The following ANGPT1 variants were observed in gnomAD, a reference collection of about 807,000 sequenced individuals.
ANGPT1 encodes the protein angiopoietin 1, also known as angiopoietin-1.
In ANGPT1, 17 loss-of-function variants were observed where a neutral mutation model predicts 62.2. The ratio of observed to expected loss-of-function variants is 0.27; its 90% CI spans 0.19 to 0.41. The LOEUF is 0.41. ANGPT1 is among the 10% of genes least tolerant of loss of function. The pLI is 1.00. For synonymous variants in ANGPT1, 199 were observed against 198.9 expected (o/e 1.00, Z 0.00); for missense variants, 478 against 594.9 (o/e 0.80, Z 2.04).
At chr8:107,419,266 C>A (rs1213522277) in intron 1 of ANGPT1, among the ~76,000 whole-genome samples, 1 of 152,100 alleles carries the variant, frequency 6.6e-6, no homozygotes, top group South Asian at 2.1e-4. Flanking sequence ...GCCCTTCTCC[C>A]CTGAAGCAGG....
intron 2 of ANGPT1, among the ~76,000 whole-genome samples, chr8:107,337,121 A>G (rs1388589591): frequency 6.6e-6 from 1 of 152,194 alleles, no homozygotes; most frequent in African/African-American, 2.4e-5. Flanking sequence ...TCACTTTACA[A>G]ATGAGAAAAC....
intron 1 of ANGPT1, among the ~76,000 whole-genome samples, chr8:107,429,468 CAAT>C (rs763467251): frequency 5.3e-5 from 8 of 152,252 alleles, no homozygotes; most frequent in Non-Finnish European, 1.0e-4. Context: ...TGTCACTAAT[CAAT>C]AATGACACTG....
At chr8:107,263,384 T>C (rs888978911) in intron 8 of ANGPT1, among the ~76,000 whole-genome samples, 8 of 139,660 alleles carry the variant, frequency 5.7e-5, no homozygotes, top group Non-Finnish European at 6.2e-5. Flanking sequence ...AAAAAGGAAG[T>C]AGATAAAAAA....
Position 107,497,864 on chromosome 8 carries a change from G to C in ANGPT1, c.-306C>G. 2.0e-6 allele frequency: 1 copy of C among 510,862 alleles called. No individual in the cohort carries two copies. Among genetic ancestry groups the C allele is most frequent in the Non-Finnish European group, 3.4e-6 (1 of 292,918 alleles). 31.6% of individuals were successfully genotyped at this position (510,862 alleles called of 1,614,324 possible). A position where few individuals can be genotyped will look rare whatever the true frequency, so the allele number is the denominator to read the frequency against. ...TTCAGCATGGAGCCTGCCTGAGTCAGCTGCGTGTACATATTCTAGACCCTT... is the reference window on the plus strand; with the variant it reads ...TTCAGCATGGAGCCTGCCTGAGTCACCTGCGTGTACATATTCTAGACCCTT... On this transcript the variant is annotated 5_prime_UTR_variant, in exon 1 of 9. Coordinates refer to ENST00000517746, the MANE Select transcript of ANGPT1 (RefSeq NM_001146.5).
intron 1 of ANGPT1, among the ~76,000 whole-genome samples, chr8:107,439,621 C>G (rs998212136): frequency 6.6e-6 from 1 of 152,158 alleles, no homozygotes; most frequent in Non-Finnish European, 1.5e-5. Context: ...TGAGACAGAA[C>G]TTACATAAGT....
At chr8:107,397,455 G>A (rs909524870) in intron 1 of ANGPT1, among the ~76,000 whole-genome samples, 3 of 151,950 alleles carry the variant, frequency 2.0e-5, no homozygotes, top group Admixed American at 6.6e-5. Context: ...GTGTGTGTGT[G>A]TGTGTGTTTA....
chr8:107,487,528 G>T (rs563132772), intron 1 of ANGPT1, among the ~76,000 whole-genome samples: 55 of 150,624 alleles, frequency 3.7e-4, no homozygotes, highest in South Asian at 2.3e-3. Context: ...ATATTAAGCG[G>T]CCGTGCGTCA....
At chr8:107,379,616 T>C (rs768882769) in intron 1 of ANGPT1, among the ~76,000 whole-genome samples, 3 of 152,158 alleles carry the variant, frequency 2.0e-5, no homozygotes, top group Non-Finnish European at 4.4e-5. Flanking sequence ...ACTAAACCTG[T>C]ACCCATTCTA....
At chr8:107,356,722 C>T (rs1816054511) in intron 1 of ANGPT1, among the ~76,000 whole-genome samples, 1 of 152,190 alleles carries the variant, frequency 6.6e-6, no homozygotes, top group Non-Finnish European at 1.5e-5. Context: ...GGCAAGATGA[C>T]TCTCCTGCTT....
At chr8:107,331,373 A>G (rs957872389) in intron 3 of ANGPT1, among the ~76,000 whole-genome samples, 1 of 152,208 alleles carries the variant, frequency 6.6e-6, no homozygotes, top group African/African-American at 2.4e-5. Context: ...CTAATATTAG[A>G]AGGACTAAAT....
At chr8:107,293,731 C>G (rs980262369) in intron 6 of ANGPT1, among the ~76,000 whole-genome samples, 1 of 152,098 alleles carries the variant, frequency 6.6e-6, no homozygotes, top group African/African-American at 2.4e-5. Flanking sequence ...TTCAGTAATA[C>G]GTTTTTCTTT....
intron 4 of ANGPT1, among the ~76,000 whole-genome samples, chr8:107,312,637 T>G (rs1440875593): frequency 6.6e-6 from 1 of 152,218 alleles, no homozygotes; most frequent in African/African-American, 2.4e-5. Flanking sequence ...CAGCCCTGGC[T>G]CTACATGGGC....
At chr8:107,341,985 T>TCCCTGC (rs1410899169) in intron 2 of ANGPT1, among the ~76,000 whole-genome samples, 9 of 152,072 alleles carry the variant, frequency 5.9e-5, no homozygotes, top group Admixed American at 5.9e-4. Flanking sequence ...CAACTCTCTC[T>TCCCTGC]CCCTGCCCCT....
At chr8:107,469,256 T>A (rs2130493675) in intron 1 of ANGPT1, among the ~76,000 whole-genome samples, 1 of 152,138 alleles carries the variant, frequency 6.6e-6, no homozygotes, top group African/African-American at 2.4e-5. Flanking sequence ...AATCCAATCT[T>A]TTATTTTGTA....
At chr8:107,428,821 A>T (rs1811104894) in intron 1 of ANGPT1, among the ~76,000 whole-genome samples, 1 of 152,148 alleles carries the variant, frequency 6.6e-6, no homozygotes, top group African/African-American at 2.4e-5. Context: ...AATTGGCAAA[A>T]TTCCCAATCC....
At chr8:107,446,212 C>T (rs1257545997) in intron 1 of ANGPT1, among the ~76,000 whole-genome samples, 10 of 152,260 alleles carry the variant, frequency 6.6e-5, no homozygotes, top group Admixed American at 1.3e-4. Flanking sequence ...CCACCACGCC[C>T]GGCCAATAGT....
At chr8:107,297,311 C>T (rs1358943208) in intron 5 of ANGPT1, among the ~76,000 whole-genome samples, 1 of 151,904 alleles carries the variant, frequency 6.6e-6, no homozygotes, top group Non-Finnish European at 1.5e-5. Context: ...GTTAATAGCG[C>T]CAACTTGAGT....
At chr8:107,259,762 C>T (rs1813451374) in intron 8 of ANGPT1, among the ~76,000 whole-genome samples, 1 of 151,934 alleles carries the variant, frequency 6.6e-6, no homozygotes, top group Admixed American at 6.6e-5. Context: ...TTAACTGTAG[C>T]TTAAGCAAAC....
At chr8:107,379,091 T>G (rs1816586632) in intron 1 of ANGPT1, among the ~76,000 whole-genome samples, 1 of 152,136 alleles carries the variant, frequency 6.6e-6, no homozygotes, top group Non-Finnish European at 1.5e-5. Context: ...AATGGATATT[T>G]AGGGATGAGG....
Sources: allele counts gnomAD v4.1 joint callset (sites outside exome capture counted in the v4.1 genomes callset), GRCh38; gene constraint gnomAD v4.1.1; transcripts MANE v1.5; gene names NCBI Gene and HGNC (gene_info 2026-07-23, HGNC 2026-07-21).